VANGL1: variants seen among roughly 807,000 people sequenced by gnomAD.
VANGL1 encodes the protein vang-like protein 1.
In VANGL1, 18 loss-of-function variants were observed where a neutral mutation model predicts 48.4. That is an observed-to-expected ratio of 0.37 (90% CI 0.26 to 0.55). The LOEUF is 0.55. Among genes scored for constraint, VANGL1 ranks in the 20% least tolerant of loss-of-function variants. The pLI is 0.81. For missense variants in VANGL1, 667 were observed against 675.8 expected (o/e 0.99, Z 0.14); for synonymous variants, 257 against 261.8 (o/e 0.98, Z 0.18).
chr1:115,686,494 A>T (rs1431119586), intron 7 of VANGL1, among the ~76,000 whole-genome samples: 1 of 152,028 alleles, frequency 6.6e-6, no homozygotes, highest in African/African-American at 2.4e-5. Context: ...ACAGCCATGT[A>T]TCTAATAGAG....
chr1:115,690,699 T>C (rs1239074242), intron 7 of VANGL1, among the ~76,000 whole-genome samples: 1 of 152,264 alleles, frequency 6.6e-6, no homozygotes, highest in African/African-American at 2.4e-5. Flanking sequence ...ATTTCCTGAC[T>C]GCTCCTTTGG....
intron 4 of VANGL1, among the ~76,000 whole-genome samples, chr1:115,679,295 G>A (rs1653282741): frequency 6.6e-6 from 1 of 152,206 alleles, no homozygotes; most frequent in African/African-American, 2.4e-5. Context: ...CTTTCCCCTT[G>A]TTTGGTATTT....
chr1:115,682,485 T>C lies in VANGL1; in HGVS notation c.934T>C (p.Tyr312His). Residue 312 changes from tyrosine to histidine, a missense_variant, in exon 5 of 8, where the codon TAC becomes CAC. Tyr to His is a moderately conservative substitution (Grantham distance 83). Transcript: ENST00000355485. ...CAAGCATATGGCCGGGCTGAAAGTC[T>C]ACAATGTAGATGGTATGTGCCTTGA... is the stretch of plus-strand genomic sequence containing the variant. ...AAKHMAGLKVYNVDGPSNNAT... is the reference protein window; with the variant it reads ...AAKHMAGLKVHNVDGPSNNAT... The C allele has an allele frequency of 1.2e-6, 2 of 1,614,210 alleles. No individual in the cohort carries two copies. The highest frequency in any genetic ancestry group is 2.2e-5 in the South Asian group (2 of 91,072).
At chr1:115,678,631 A>G (rs1653258140) in intron 4 of VANGL1, among the ~76,000 whole-genome samples, 1 of 152,108 alleles carries the variant, frequency 6.6e-6, no homozygotes, top group Admixed American at 6.6e-5. Flanking sequence ...GAAGACTTAA[A>G]TCATATATCA....
chr1:115,684,366 C>G (rs893578660), intron 6 of VANGL1, among the ~76,000 whole-genome samples: 7 of 152,126 alleles, frequency 4.6e-5, no homozygotes, highest in African/African-American at 1.7e-4. Context: ...TCTCAAACTC[C>G]TGACCTCGAG....
chr1:115,678,951 CAA>C (rs561934640), intron 4 of VANGL1, among the ~76,000 whole-genome samples: 19 of 121,746 alleles, frequency 1.6e-4, no homozygotes, highest in East Asian at 2.6e-4. Context: ...GAGACTGTCT[CAA>C]AAAAAAAAAA....
chr1:115,690,671 C>T (rs931051357), intron 7 of VANGL1, among the ~76,000 whole-genome samples: 4 of 152,218 alleles, frequency 2.6e-5, no homozygotes, highest in African/African-American at 9.6e-5. Flanking sequence ...CTTATTCATG[C>T]AAGTATATGC....
Position 115,691,710 on chromosome 1 carries a change from G to T in VANGL1, c.*331G>T. On this transcript the variant is annotated 3_prime_UTR_variant, in exon 8 of 8. Transcript: ENST00000355485. Reference sequence around the variant, plus strand: ...ACAACTAATTCCTGCCTTTCGTCCAGTACCAAGTCCCCCGTTGCTTCTGGT... The same window carrying T: ...ACAACTAATTCCTGCCTTTCGTCCATTACCAAGTCCCCCGTTGCTTCTGGT... 1 of 263,656 alleles carries T rather than the reference G, an allele frequency of 3.8e-6. No individual in the cohort carries two copies. The allele number at this position is 263,656 out of a possible 1,614,324, so 16.3% of individuals were successfully genotyped here. A position where few individuals can be genotyped will look rare whatever the true frequency, so the allele number is the denominator to read the frequency against.
chr1:115,667,564 A>G (rs145456397), intron 4 of VANGL1, among the ~76,000 whole-genome samples: 2 of 152,270 alleles, frequency 1.3e-5, no homozygotes, highest in Non-Finnish European at 2.9e-5. Flanking sequence ...CCCAACCCCC[A>G]GGGTAAGGGA....
At chr1:115,684,985 TG>T (rs1653539516) in intron 6 of VANGL1, among the ~76,000 whole-genome samples, 1 of 152,130 alleles carries the variant, frequency 6.6e-6, no homozygotes, top group African/African-American at 2.4e-5. Flanking sequence ...ATTGCAGAGA[TG>T]AAAAAAGGAC....
chr1:115,662,874 A>C (rs1652615455), intron 3 of VANGL1, among the ~76,000 whole-genome samples: 2 of 149,224 alleles, frequency 1.3e-5, no homozygotes, highest in Non-Finnish European at 3.0e-5. Context: ...GCAACCTCCG[A>C]CTCCCGGGTT....
At chr1:115,669,655 T>C (rs116803352) in intron 4 of VANGL1, among the ~76,000 whole-genome samples, 2,741 of 152,146 alleles carry the variant, frequency 0.018, 74 homozygotes, top group African/African-American at 0.06. Flanking sequence ...CCATGTAAGA[T>C]GTGCCTTTTG....
Position 115,697,417 on chromosome 1 carries a change from T to C in VANGL1, c.*6038T>C, listed in dbSNP as rs1191755092. The C allele has an allele frequency of 2.6e-5, 4 of 152,330 alleles. 1 individual carries two copies. In the South Asian group the frequency reaches 6.2e-4, roughly 24 times the overall value. The allele number at this position is 152,330 out of a possible 1,614,324, so 9.4% of individuals were successfully genotyped here. On this transcript the variant is annotated 3_prime_UTR_variant, in exon 8 of 8. Coordinates refer to ENST00000355485, the MANE Select transcript of VANGL1 (RefSeq NM_138959.3). ...TATAATAGTTTACGGTAGGCTTTAA[T>C]TAAATGGCAAACTCCTCTGGGACCC... is the stretch of plus-strand genomic sequence containing the variant.
At chr1:115,660,268 CT>C (rs1652497381) in intron 3 of VANGL1, among the ~76,000 whole-genome samples, 1 of 152,112 alleles carries the variant, frequency 6.6e-6, no homozygotes, top group Non-Finnish European at 1.5e-5. Context: ...ATTAACCTAG[CT>C]TTGGGTTAAC....
At chr1:115,683,460 G>C (rs1445353073) in intron 5 of VANGL1, among the ~76,000 whole-genome samples, 2 of 152,272 alleles carry the variant, frequency 1.3e-5, no homozygotes, top group Admixed American at 6.5e-5. Flanking sequence ...AGCATAGCTT[G>C]CTTTCCATTG....
chr1:115,684,758 A>G (rs17501284), intron 6 of VANGL1, among the ~76,000 whole-genome samples: 5,619 of 152,154 alleles, frequency 0.037, 155 homozygotes, highest in Middle Eastern at 0.099. Context: ...GCTGGTGTTC[A>G]CCGTCAGGTC....
chr1:115,686,288 C>T (rs538522071), intron 7 of VANGL1, among the ~76,000 whole-genome samples: 3 of 146,106 alleles, frequency 2.1e-5, no homozygotes, highest in Non-Finnish European at 4.5e-5. Flanking sequence ...AATAGAATGG[C>T]GTGAACCCAG....
intron 4 of VANGL1, among the ~76,000 whole-genome samples, chr1:115,675,402 C>T (rs1466990324): frequency 6.6e-6 from 1 of 151,524 alleles, no homozygotes; most frequent in South Asian, 2.1e-4. Flanking sequence ...TCCGGTAGGC[C>T]GAGGCACGAG....
At chr1:115,665,416 C>A (rs927400846) in intron 4 of VANGL1, among the ~76,000 whole-genome samples, 1 of 152,360 alleles carries the variant, frequency 6.6e-6, no homozygotes, top group Admixed American at 6.5e-5. Context: ...CTGCTGTGAT[C>A]ATGTAGCTGG....
Sources: gnomAD v4.1 joint callset for allele counts (sites outside exome capture counted in the v4.1 genomes callset) on GRCh38, gnomAD v4.1.1 for gene constraint, MANE v1.5 for transcripts, NCBI Gene and HGNC (gene_info 2026-07-23, HGNC 2026-07-21) for gene names.